The following COL4A6 variants were observed in gnomAD, a reference collection of about 807,000 sequenced individuals.
COL4A6 encodes the protein collagen alpha-6(IV) chain.
In COL4A6, 59 loss-of-function variants were observed where a neutral mutation model predicts 126.7. That is an observed-to-expected ratio of 0.47 (90% CI 0.38 to 0.58). COL4A6 has a LOEUF of 0.58. COL4A6 is among the 20% of genes least tolerant of loss of function. COL4A6 has a pLI of 0.00. For synonymous variants in COL4A6, 547 were observed against 496.6 expected, an observed-to-expected ratio of 1.10 and a Z score of -1.35; for missense variants, 1,285 against 1,337.3, an observed-to-expected ratio of 0.96 and a Z score of 0.61.
chrX:108,406,862 G>A (rs1206262487), intron 2 of COL4A6, among the ~76,000 whole-genome samples: 1 of 111,744 alleles, frequency 8.9e-6, no homozygotes, highest in Non-Finnish European at 1.9e-5. Context: ...TTTTTTGTGT[G>A]TGTCTGTCTT....
In COL4A6 at chrX:108,284,188, G is replaced by T. The variant is rs747431370; in HGVS notation, c.144+26560C>A. Among the ~76,000 whole-genome samples, 3 of 110,909 alleles carry T rather than the reference G, an allele frequency of 2.7e-5. No homozygotes were observed. In the Admixed American group the frequency reaches 2.9e-4, roughly 11 times the overall value. On this transcript the variant is annotated intron_variant, in intron 3 of 44. Transcript: ENST00000334504. ...GAATTATTCTTTTTTATATAATTGG[G>T]TGAAACTCTCAAGTTTTTTACTTAA...
intron 2 of COL4A6, among the ~76,000 whole-genome samples, chrX:108,389,664 G>A (rs1325642015): frequency 9.0e-6 from 1 of 110,915 alleles, no homozygotes; most frequent in Admixed American, 9.6e-5. Context: ...CACCCTGATA[G>A]GTCTTGACTC....
In COL4A6 at chrX:108,169,543, T is replaced by A; in HGVS notation, c.3643A>T (p.Ile1215Phe). The A allele has an allele frequency of 8.3e-7, 1 of 1,211,710 alleles. No homozygotes were observed. ...KGEKGYPGIG[I>F]GAPGKPGLRG... ...AGGCCCGGCTTCCCTGGAGCTCCGATGCCAATTCCTGGATATCCTTTTTCT... is the reference window on the plus strand; with the variant it reads ...AGGCCCGGCTTCCCTGGAGCTCCGAAGCCAATTCCTGGATATCCTTTTTCT... The change falls in exon 37 of 45, where the codon ATC becomes TTC. Residue 1215 changes from isoleucine (I) to phenylalanine (F), a missense_variant. By Grantham distance (21) the Ile-to-Phe change is conservative. Transcript: ENST00000334504.
At chrX:108,277,976 C>T (rs770338621) in intron 3 of COL4A6, among the ~76,000 whole-genome samples, 2 of 111,765 alleles carry the variant, frequency 1.8e-5, no homozygotes, top group African/African-American at 6.5e-5. Flanking sequence ...GACATCCACA[C>T]CAAAATCCCA....
At chrX:108,428,059 C>T (rs2147381291) in intron 2 of COL4A6, among the ~76,000 whole-genome samples, 1 of 111,400 alleles carries the variant, frequency 9.0e-6, no homozygotes, top group African/African-American at 3.3e-5. Context: ...GAAATATGGC[C>T]ATTGTCCCCA....
At chrX:108,160,707 A>T in intron 42 of COL4A6, 53 bp from the exon 43 acceptor site, 1 of 1,045,397 alleles carries the variant, frequency 9.6e-7, no homozygotes. Context: ...TGACAACATC[A>T]GCTACTCACA....
chrX:108,207,130 C>A (rs2035567442), intron 8 of COL4A6, among the ~76,000 whole-genome samples: 1 of 111,787 alleles, frequency 8.9e-6, no homozygotes, highest in African/African-American at 3.2e-5. Flanking sequence ...GAAAGAACTG[C>A]AAACAAATAT....
intron 15 of COL4A6, 112 bp from the exon 16 acceptor site, chrX:108,194,699 G>T: frequency 1.4e-6 from 1 of 727,828 alleles, no homozygotes; most frequent in Non-Finnish European, 2.1e-6. Flanking sequence ...ACATTGCAGG[G>T]TATATGTGGC....
At chrX:108,410,350 G>A (rs185753642) in intron 2 of COL4A6, among the ~76,000 whole-genome samples, 1 of 111,638 alleles carries the variant, frequency 9.0e-6, no homozygotes, top group African/African-American at 3.3e-5. Flanking sequence ...GTAAGGGCAT[G>A]TTAAAATAAT....
In COL4A6 at chrX:108,195,020, G is replaced by C. The variant is rs367663853; in HGVS notation, c.948+62C>G. 176 of 938,393 alleles carry C rather than the reference G, an allele frequency of 1.9e-4. 1 individual carries two copies. Among genetic ancestry groups the C allele is most frequent in the Non-Finnish European group, 2.6e-4 (170 of 663,609 alleles). The allele number at this position is 938,393 out of a possible 1,213,427, so 77.3% of individuals were successfully genotyped here. A position where few individuals can be genotyped will look rare whatever the true frequency, so the allele number is the denominator to read the frequency against. On this transcript the variant is annotated intron_variant, in intron 15 of 44. Transcript: ENST00000334504. ...TCTCCCTTTGGCCATGTTAGGTAAA[G>C]CAAGGGGGACTTTTGATTGGGATTT... is the stretch of plus-strand genomic sequence containing the variant.
chrX:108,438,989 T>A (rs771747886), upstream of COL4A6, among the ~76,000 whole-genome samples: 2 of 112,842 alleles, frequency 1.8e-5, no homozygotes, highest in East Asian at 2.8e-4. Context: ...TTAAAAAAAA[T>A]CTATATATCA....
intron 2 of COL4A6, among the ~76,000 whole-genome samples, chrX:108,369,091 T>A (rs111404561): frequency 1.2e-3 from 134 of 112,135 alleles, no homozygotes; most frequent in African/African-American, 3.9e-3. Flanking sequence ...TACATAATTA[T>A]ATGTGTTATA....
chrX:108,339,322 C>G (rs1233160209), intron 2 of COL4A6, among the ~76,000 whole-genome samples: 1 of 112,194 alleles, frequency 8.9e-6, no homozygotes, highest in African/African-American at 3.2e-5. Flanking sequence ...AAGACCTGCA[C>G]AACGTCCCCT....
At chrX:108,332,987 T>C (rs752881903) in intron 2 of COL4A6, among the ~76,000 whole-genome samples, 6 of 111,468 alleles carry the variant, frequency 5.4e-5, no homozygotes, top group African/African-American at 1.6e-4. Context: ...ATTTAATCTA[T>C]CTTGAGTTAA....
intron 3 of COL4A6, among the ~76,000 whole-genome samples, chrX:108,307,726 AAGG>A (rs1265571669): frequency 5.4e-5 from 6 of 111,777 alleles, no homozygotes; most frequent in Non-Finnish European, 9.4e-5. Flanking sequence ...CTGCTCAGCT[AAGG>A]AGAACAGTCC....
intron 3 of COL4A6, chrX:108,267,866 A>T (rs781296457): frequency 8.9e-6 from 1 of 112,827 alleles, no homozygotes; most frequent in East Asian, 2.8e-4. Context: ...TTCAAAAGCA[A>T]CTTTTCTTTA....
chrX:108,363,930 G>A (rs1230502090), intron 2 of COL4A6, among the ~76,000 whole-genome samples: 1 of 110,765 alleles, frequency 9.0e-6, no homozygotes, highest in Non-Finnish European at 1.9e-5. Context: ...GAGTGCAGTG[G>A]TGCGATCTTG....
intron 3 of COL4A6, among the ~76,000 whole-genome samples, chrX:108,296,882 A>G (rs1445658827): frequency 1.1e-4 from 12 of 112,121 alleles, no homozygotes; most frequent in Non-Finnish European, 5.6e-5. Context: ...AAGGAATAGT[A>G]TCCTGGAAGT....
chrX:108,197,772 AGTGTGTGTGTGTGT>A (rs57928875), intron 13 of COL4A6, among the ~76,000 whole-genome samples: 67 of 87,233 alleles, frequency 7.7e-4, no homozygotes, highest in Non-Finnish European at 1.3e-3. Flanking sequence ...TATTGGGAGG[AGTGTGTGTGTGTGT>A]GTGTGTGTGT....
Sources: allele counts gnomAD v4.1 joint callset (sites outside exome capture counted in the v4.1 genomes callset), GRCh38; gene constraint gnomAD v4.1.1; transcripts MANE v1.5; gene names NCBI Gene and HGNC (gene_info 2026-07-23, HGNC 2026-07-21).